The following HCN4 variants were observed in gnomAD, a reference collection of about 807,000 sequenced individuals.
The protein encoded by HCN4 is hyperpolarization activated cyclic nucleotide gated potassium channel 4, also known as potassium/sodium hyperpolarization-activated cyclic nucleotide-gated channel 4.
HCN4 carries 29 observed loss-of-function variants against 76.9 expected under a neutral mutation model. The ratio of observed to expected loss-of-function variants is 0.38; its 90% CI spans 0.28 to 0.51. HCN4 has a LOEUF of 0.51. HCN4 is among the 20% of genes least tolerant of loss of function. HCN4 has a pLI of 0.90. For missense variants in HCN4, 1,416 were observed against 1,715.2 expected (o/e 0.83, Z 3.08); for synonymous variants, 772 against 762.5 (o/e 1.01, Z -0.21).
chr15:73,353,061 G>GAC (rs2043062322), intron 1 of HCN4, among the ~76,000 whole-genome samples: 7 of 151,734 alleles, frequency 4.6e-5, no homozygotes, highest in African/African-American at 1.7e-4. Flanking sequence ...CGGACGGACG[G>GAC]GAGACTGTTG....
At chr15:73,340,856 C>G (rs2042997206) in intron 2 of HCN4, among the ~76,000 whole-genome samples, 1 of 152,254 alleles carries the variant, frequency 6.6e-6, no homozygotes, top group African/African-American at 2.4e-5. Context: ...GAATCAAAGT[C>G]ATTCCCTTTC....
intron 6 of HCN4, 124 bp from the exon 7 acceptor site, chr15:73,324,377 C>T: frequency 9.4e-7 from 1 of 1,062,472 alleles, no homozygotes; most frequent in South Asian, 1.4e-5. Flanking sequence ...AAGGCCCTGC[C>T]CCCAGACTGC....
At position 73,324,069 on chromosome 15, in the gene HCN4, C is replaced by T; in HGVS notation, c.2143+20G>A. 1 of 1,611,982 alleles carries T rather than the reference C, an allele frequency of 6.2e-7. No homozygotes were observed. The highest frequency in any genetic ancestry group is 8.5e-7 in the Non-Finnish European group (1 of 1,179,792). On this transcript the variant is annotated intron_variant, in intron 7 of 7. Coordinates refer to ENST00000261917, the MANE Select transcript of HCN4 (RefSeq NM_005477.3). ...CCCCAACACCCCCCACCTGCCCCGC[C>T]TGTGGCCCCTCCCCCTCACCAATGC... is the stretch of plus-strand genomic sequence containing the variant.
At position 73,324,938 on chromosome 15, in the gene HCN4, G is replaced by A; in HGVS notation, c.1978+17C>T. On this transcript the variant is annotated intron_variant, in intron 6 of 7. Coordinates refer to ENST00000261917, the MANE Select transcript of HCN4 (RefSeq NM_005477.3). ...GGGAGCAGCTGCCCTGTCCCCCAGG[G>A]CCCAGGGCTGCCTCACCTCCAAAGT... 1 of 1,613,614 alleles carries A rather than the reference G, an allele frequency of 6.2e-7. No homozygotes were observed. Among genetic ancestry groups the A allele is most frequent in the Non-Finnish European group, 8.5e-7 (1 of 1,179,950 alleles).
rs199943122 is a variant in HCN4, at chr15:73,324,236, G to A, written c.1996C>T (p.Arg666Trp). The A allele has an allele frequency of 1.2e-5, 20 of 1,613,764 alleles. No homozygotes were observed. The highest frequency in any genetic ancestry group is 1.6e-5 in the Non-Finnish European group (19 of 1,179,892). ...CTCACGCTGGCTGTGCGCCGGCCCCGGGTCAGCAGGCAGATCTCTGCCAGA... is the reference window on the plus strand; with the variant it reads ...CTCACGCTGGCTGTGCGCCGGCCCCAGGTCAGCAGGCAGATCTCTGCCAGA... Reference protein sequence around the residue: ...SYFGEICLLTRGRRTASVRAD... With the variant: ...SYFGEICLLTWGRRTASVRAD... The change falls in exon 7 of 8, where the codon CGG becomes TGG. Residue 666 changes from arginine to tryptophan, a missense_variant. Physicochemically the swap from Arg to Trp is moderately radical, Grantham distance 101. Around this residue, in one of 6 missense-constraint regions of HCN4, gnomAD observed 241 missense variants for 379.4 expected, o/e 0.64. Transcript: ENST00000261917.
chr15:73,345,835 C>T (rs2151221827), intron 1 of HCN4, among the ~76,000 whole-genome samples: 1 of 152,272 alleles, frequency 6.6e-6, no homozygotes, highest in East Asian at 1.9e-4. Flanking sequence ...GCTAATAATA[C>T]ACCCAGGCTG....
chr15:73,362,060 T>C (rs2043107254), intron 1 of HCN4, among the ~76,000 whole-genome samples: 1 of 152,224 alleles, frequency 6.6e-6, no homozygotes, highest in African/African-American at 2.4e-5. Flanking sequence ...GATGGATTAA[T>C]GAGGGTCCTC....
chr15:73,339,716 C>A (rs760295461), intron 2 of HCN4, among the ~76,000 whole-genome samples: 1 of 152,212 alleles, frequency 6.6e-6, no homozygotes, highest in Non-Finnish European at 1.5e-5. Flanking sequence ...GTACTAAATA[C>A]TCTCCTCAGC....
intron 3 of HCN4, among the ~76,000 whole-genome samples, chr15:73,330,879 G>T (rs958863342): frequency 6.6e-6 from 1 of 152,214 alleles, no homozygotes; most frequent in South Asian, 2.1e-4. Flanking sequence ...GGGAACAGGG[G>T]TAGGCCCCCA....
At position 73,368,032 on chromosome 15, in the gene HCN4, G is replaced by C. The variant is rs2043137679; in HGVS notation, c.239C>G (p.Pro80Arg). 1 of 1,438,578 alleles carries C rather than the reference G, an allele frequency of 7.0e-7. No individual in the cohort carries two copies. The highest frequency in any genetic ancestry group is 9.1e-7 in the Non-Finnish European group (1 of 1,102,702). The allele number at this position is 1,438,578 out of a possible 1,614,324, so 89.1% of individuals were successfully genotyped here. The change falls in exon 1 of 8, where the codon CCG (proline) becomes CGG (arginine). Residue 80 changes from proline (P) to arginine (R), a missense_variant. Pro to Arg is a moderately radical substitution (Grantham distance 103). Transcript: ENST00000261917. The surrounding 1 kb of genome is among the most constrained non-coding windows in gnomAD (Gnocchi z 6.9). Reference sequence around the variant, plus strand: ...GCTGGACTTGCCCGCGCCGCGGGCCGGCCCTTCGCTGTCCGCTGCCCCGAG... The same window carrying C: ...GCTGGACTTGCCCGCGCCGCGGGCCCGCCCTTCGCTGTCCGCTGCCCCGAG... ...SALGAADSEG[P>R]ARGAGKSSTN...
chr15:73,356,011 T>C (rs1008465031), intron 1 of HCN4, among the ~76,000 whole-genome samples: 27 of 152,024 alleles, frequency 1.8e-4, no homozygotes, highest in African/African-American at 5.8e-4. Flanking sequence ...ACTCAGGAGA[T>C]TGGAGCAAAA....
chr15:73,358,658 G>A (rs961113057), intron 1 of HCN4, among the ~76,000 whole-genome samples: 2 of 152,192 alleles, frequency 1.3e-5, no homozygotes, highest in African/African-American at 4.8e-5. Context: ...CAAGGGTGAA[G>A]GGCAGGGACT....
Position 73,320,517 on chromosome 15 carries a change from C to G in HCN4, c.*1964G>C, listed in dbSNP as rs1413458722. 1.3e-5 allele frequency: 2 copies of G among 152,284 alleles called. No individual in the cohort carries two copies. The highest frequency in any genetic ancestry group is 4.8e-5 in the African/African-American group (2 of 41,450). The allele number at this position is 152,284 out of a possible 1,614,324, so 9.4% of individuals were successfully genotyped here. On this transcript the variant is annotated 3_prime_UTR_variant, in exon 8 of 8. Transcript: ENST00000261917. Reference sequence around the variant, plus strand: ...CTTGGGGATTGCAGCCATACCTGCTCTGGCCCTATAGGCAGGGGCAGACCC... The same window carrying G: ...CTTGGGGATTGCAGCCATACCTGCTGTGGCCCTATAGGCAGGGGCAGACCC...
chr15:73,357,196 G>A (rs2043085141), intron 1 of HCN4, among the ~76,000 whole-genome samples: 1 of 152,202 alleles, frequency 6.6e-6, no homozygotes, highest in Non-Finnish European at 1.5e-5. Flanking sequence ...TTTCAGAGGA[G>A]GAAAGCAAGA....
At chr15:73,361,731 C>T (rs2043105897) in intron 1 of HCN4, among the ~76,000 whole-genome samples, 1 of 152,194 alleles carries the variant, frequency 6.6e-6, no homozygotes, top group Admixed American at 6.5e-5. Flanking sequence ...AAGCTAATGC[C>T]TTTCAGGGTA....
At chr15:73,363,715 A>C (rs1444019078) in intron 1 of HCN4, among the ~76,000 whole-genome samples, 7 of 152,148 alleles carry the variant, frequency 4.6e-5, no homozygotes, top group Non-Finnish European at 8.8e-5. Context: ...CCCAAAACCA[A>C]GGAAAGGAAG....
At position 73,323,641 on chromosome 15, in the gene HCN4, C is replaced by A; in HGVS notation, c.2452G>T (p.Gly818Cys). 6.3e-7 allele frequency: 1 copy of A among 1,596,858 alleles called. No homozygotes were observed. The change falls in exon 8 of 8, where the codon GGT (glycine) becomes TGT (cysteine). Residue 818 changes from glycine (G) to cysteine (C), a missense_variant. By Grantham distance (159) the Gly-to-Cys change is radical. This residue lies in a region of HCN4 where 633 missense variants were observed against 579.8 expected (regional missense o/e 1.09). Transcript: ENST00000261917. ...AGGTGCCTTGGCGTCTGCCCGGCAC[C>A]GAGGTTGCCCAGCCCAGATCCTGGG... ...PPPGSGLGNL[G>C]AGQTPRHLKR...
intron 4 of HCN4, among the ~76,000 whole-genome samples, chr15:73,327,945 ACAGG>A (rs1417521241): frequency 6.6e-6 from 1 of 152,186 alleles, no homozygotes; most frequent in Non-Finnish European, 1.5e-5. Context: ...AGTGCCTGGG[ACAGG>A]CAGGCAGGCA....
intron 1 of HCN4, among the ~76,000 whole-genome samples, chr15:73,352,518 C>G (rs1423852922): frequency 1.3e-5 from 2 of 152,136 alleles, no homozygotes; most frequent in African/African-American, 4.8e-5. Context: ...AGACATGGGA[C>G]AGAAGAAACA....
Sources: gnomAD v4.1 joint callset for allele counts (sites outside exome capture counted in the v4.1 genomes callset) on GRCh38, gnomAD v4.1.1 for gene constraint, gnomAD v4.1.1 regional missense constraint, Gnocchi (gnomAD v3.1) non-coding constraint, MANE v1.5 for transcripts, NCBI Gene and HGNC (gene_info 2026-07-23, HGNC 2026-07-21) for gene names.